The following ENTPD7 variants were observed in gnomAD, a reference collection of about 807,000 sequenced individuals.
ENTPD7 encodes NTPDase 7.
A neutral mutation model predicts 77.9 loss-of-function variants in ENTPD7; 53 were observed. The ratio of observed to expected loss-of-function variants is 0.68; its 90% confidence interval spans 0.55 to 0.85. The LOEUF is 0.85. ENTPD7 is among the 40% of genes least tolerant of loss of function. The probability of loss-of-function intolerance (pLI) is 0.00; values close to 1 mark genes in which losing one functional copy is unlikely to be tolerated. For missense variants in ENTPD7, 636 were observed against 743.7 expected (o/e 0.86, Z 1.68); for synonymous variants, 248 against 274.9 (o/e 0.90, Z 0.97).
Position 99,709,723 on chromosome 10 carries a change from T to C in ENTPD7, c.*5040T>C, listed in dbSNP as rs556138733. The C allele has an allele frequency of 1.3e-5, 13 of 985,446 alleles. No individual in the cohort carries two copies. In the African/African-American group the frequency reaches 1.9e-4, roughly 15 times the overall value. The allele number at this position is 985,446 out of a possible 1,614,324, so 61.0% of individuals were successfully genotyped here. ...GCAGATGGCTTGTTCAAGCTTCATT[T>C]TAAGCCTGCTCTGTCTACTTATCTT... On this transcript the variant is annotated 3_prime_UTR_variant, in exon 13 of 13. Coordinates refer to ENST00000370489, the MANE Select transcript of ENTPD7 (RefSeq NM_020354.5).
intron 11 of ENTPD7, among the ~76,000 whole-genome samples, chr10:99,701,485 C>T (rs866890423): frequency 1.2e-4 from 18 of 151,646 alleles, no homozygotes; most frequent in African/African-American, 3.6e-4. Context: ...GACGGGGTTT[C>T]GCAATGTTGC....
In ENTPD7 at chr10:99,707,556, T is replaced by G. The variant is rs558544630; in HGVS notation, c.*2873T>G. 6.6e-6 allele frequency among the ~76,000 whole-genome samples: 1 copy of G among 152,364 alleles called. No individual in the cohort carries two copies. Among genetic ancestry groups the G allele is most frequent in the East Asian group, 1.9e-4 (1 of 5,194 alleles). ...TTGGTGGTTCTCCCATGAAGATAATTATGGTGTCATAAAATTCACATTCCA... is the reference window on the plus strand; with the variant it reads ...TTGGTGGTTCTCCCATGAAGATAATGATGGTGTCATAAAATTCACATTCCA... On this transcript the variant is annotated 3_prime_UTR_variant, in exon 13 of 13. Coordinates refer to ENST00000370489, the MANE Select transcript of ENTPD7 (RefSeq NM_020354.5).
At chr10:99,674,514 C>T (rs2035656789) in intron 3 of ENTPD7, among the ~76,000 whole-genome samples, 1 of 152,206 alleles carries the variant, frequency 6.6e-6, no homozygotes, top group African/African-American at 2.4e-5. Context: ...TTTTCTGTTT[C>T]TACTTTAGAT....
rs747096335 is a variant in ENTPD7 at position 99,661,527 on chromosome 10, A to G, written c.90A>G (p.Ala30=). Residue 30 remains alanine (A), a synonymous_variant, in exon 3 of 13, where the codon GCA becomes GCG. Transcript: ENST00000370489. ...GTCCATTTCTCCGTCAGCGGGTGGC[A>G]TTCCTGGGACTCTTCTTCATATCCT... ...TVSPFLRQRV[A]FLGLFFISCL... 3.7e-6 allele frequency: 6 copies of G among 1,613,920 alleles called. No homozygotes were observed. Among genetic ancestry groups the G allele is most frequent in the Admixed American group, 1.7e-5 (1 of 59,972 alleles).
chr10:99,696,082 T>C lies in ENTPD7; in HGVS notation c.970T>C (p.Tyr324His). Reference protein sequence around the residue: ...GFGGNFARQRYEDLVLNETLN... With the variant: ...GFGGNFARQRHEDLVLNETLN... ...CGGAGGCAACTTTGCCCGGCAGCGC[T>C]ACGAAGACCTTGTTCTGAATGAAAC... Residue 324 changes from tyrosine to histidine, a missense_variant, in exon 9 of 13, where the codon TAC becomes CAC. Tyr to His is a moderately conservative substitution (Grantham distance 83). This residue lies in a region of ENTPD7 where 486 missense variants were observed against 556.5 expected (regional missense o/e 0.87). Coordinates refer to ENST00000370489, the MANE Select transcript of ENTPD7 (RefSeq NM_020354.5). The C allele has an allele frequency of 6.2e-7, 1 of 1,614,220 alleles. No individual in the cohort carries two copies. The highest frequency in any genetic ancestry group is 1.1e-5 in the South Asian group (1 of 91,086).
At chr10:99,662,075 AT>A (rs2035494128) in intron 3 of ENTPD7, among the ~76,000 whole-genome samples, 1 of 152,186 alleles carries the variant, frequency 6.6e-6, no homozygotes, top group Non-Finnish European at 1.5e-5. Context: ...GTGTCTTTAT[AT>A]AAGTGGGCTT....
intron 3 of ENTPD7, among the ~76,000 whole-genome samples, chr10:99,663,871 G>T (rs1372425437): frequency 2.6e-5 from 4 of 151,994 alleles, no homozygotes; most frequent in African/African-American, 7.2e-5. Flanking sequence ...TGTTGTTGTT[G>T]TTCTCCCCTG....
Position 99,669,085 on chromosome 10 carries a change from C to T in ENTPD7, c.191+7457C>T, listed in dbSNP as rs12240411. On this transcript the variant is annotated intron_variant, in intron 3 of 12. Transcript: ENST00000370489. ...TAGAGACAGTGTCTCCCTATGTTGC[C>T]AAGCGTAGTCATGAACTCCTAGGCT... Among the ~76,000 whole-genome samples, 469 of 149,454 alleles carry T rather than the reference C, an allele frequency of 3.1e-3. 3 individuals are homozygous for T. Among genetic ancestry groups the T allele is most frequent in the African/African-American group, 0.011 (448 of 40,682 alleles).
chr10:99,682,081 A>G (rs1349506796), intron 5 of ENTPD7, among the ~76,000 whole-genome samples: 3 of 152,114 alleles, frequency 2.0e-5, no homozygotes, highest in Admixed American at 6.5e-5. Flanking sequence ...TTTTGGTGTC[A>G]TATCAATGAG....
chr10:99,686,047 G>A (rs1337262666), intron 6 of ENTPD7, 152 bp downstream of exon 6: 3 of 549,132 alleles, frequency 5.5e-6, no homozygotes, highest in Admixed American at 3.5e-5. Context: ...TTGATTATTT[G>A]CATATTTTGC....
At chr10:99,666,354 T>A (rs897183132) in intron 3 of ENTPD7, among the ~76,000 whole-genome samples, 1 of 152,078 alleles carries the variant, frequency 6.6e-6, no homozygotes, top group African/African-American at 2.4e-5. Flanking sequence ...ATTACAGGCA[T>A]GTGGCACCAT....
chr10:99,707,486 C>A lies in ENTPD7; in HGVS notation c.*2803C>A, dbSNP rs893011814. The stretch of plus-strand genomic sequence containing the variant: ...AGGAGCAGAAATCTATCTTGCCATA[C>A]CCTTTGGTTTTTAAAGATTTCTCTT... On this transcript the variant is annotated 3_prime_UTR_variant, in exon 13 of 13. Transcript: ENST00000370489. Among the ~76,000 whole-genome samples the A allele has an allele frequency of 1.2e-4, 19 of 152,176 alleles. No homozygotes were observed. Among genetic ancestry groups the A allele is most frequent in the African/African-American group, 4.6e-4 (19 of 41,436 alleles).
Position 99,709,286 on chromosome 10 carries a change from A to G in ENTPD7, c.*4603A>G. On this transcript the variant is annotated 3_prime_UTR_variant, in exon 13 of 13. Transcript: ENST00000370489. ...TGTTGTCTTTAAACTTTTCAAATTA[A>G]TTCAAAACTAGTATCTAATTGTCCT... The G allele has an allele frequency of 6.1e-6, 6 of 985,394 alleles. No homozygotes were observed. The highest frequency in any genetic ancestry group is 6.0e-6 in the Non-Finnish European group (5 of 829,906). 61.0% of individuals were successfully genotyped at this position (985,394 alleles called of 1,614,324 possible). A position where few individuals can be genotyped will look rare whatever the true frequency, so the allele number is the denominator to read the frequency against.
At position 99,688,765 on chromosome 10, in the gene ENTPD7, CT is replaced by C; in HGVS notation, c.709+20del. On this transcript the variant is annotated intron_variant, in intron 7 of 12. Transcript: ENST00000370489. ...CCACGAGGATGGTGAGTAATATTGT[CT>C]TTTTATGACAGTTTACCTAAGGGCT... 1 of 1,613,104 alleles carries C rather than the reference CT, an allele frequency of 6.2e-7. No individual in the cohort carries two copies. Among genetic ancestry groups the C allele is most frequent in the Non-Finnish European group, 8.5e-7 (1 of 1,179,320 alleles).
chr10:99,675,460 GTTAAACCCATGTT>G (rs1304186836), intron 3 of ENTPD7, among the ~76,000 whole-genome samples: 3 of 137,058 alleles, frequency 2.2e-5, no homozygotes, highest in African/African-American at 8.3e-5. Flanking sequence ...CAAAGTGCAT[GTTAAACCCATGTT>G]TTTTAATGGA....
chr10:99,684,497 G>A (rs1231950845), intron 5 of ENTPD7, among the ~76,000 whole-genome samples: 1 of 152,154 alleles, frequency 6.6e-6, no homozygotes, highest in Admixed American at 6.5e-5. Context: ...GTCCCCATTT[G>A]AAATTCTTAT....
intron 2 of ENTPD7, 137 bp from the exon 3 acceptor site, chr10:99,661,309 G>C: frequency 1.5e-6 from 1 of 674,390 alleles, no homozygotes; most frequent in South Asian, 2.4e-5. Flanking sequence ...TCTAAAATTA[G>C]AGATGACAAG....
In ENTPD7 at chr10:99,709,392, T is replaced by A; in HGVS notation, c.*4709T>A. 6 of 985,444 alleles carry A rather than the reference T, an allele frequency of 6.1e-6. No individual in the cohort carries two copies. Among genetic ancestry groups the A allele is most frequent in the Non-Finnish European group, 7.2e-6 (6 of 829,908 alleles). 61.0% of individuals were successfully genotyped at this position (985,444 alleles called of 1,614,324 possible). A position where few individuals can be genotyped will look rare whatever the true frequency, so the allele number is the denominator to read the frequency against. ...AGCAGATGTTTCAAATTCTCCCATA[T>A]TAGTCTCTTAGGGACGCTAGCTCCA... On this transcript the variant is annotated 3_prime_UTR_variant, in exon 13 of 13. Transcript: ENST00000370489.
chr10:99,700,995 C>T lies in ENTPD7; in HGVS notation c.1358C>T (p.Ser453Leu), dbSNP rs182321152. The change falls in exon 11 of 13, where the codon TCG becomes TTG. Residue 453 changes from serine (S) to leucine (L), a missense_variant. Physicochemically the swap from Ser to Leu is moderately radical, Grantham distance 145. Coordinates refer to ENST00000370489, the MANE Select transcript of ENTPD7 (RefSeq NM_020354.5). ...AAQDYCGMAW[S>L]VLTQRFKNGL... The stretch of plus-strand genomic sequence containing the variant: ...CAGGATTACTGTGGCATGGCTTGGT[C>T]GGTACTAACTCAGAGATTCAAGAAT... 17 of 1,613,774 alleles carry T rather than the reference C, an allele frequency of 1.1e-5. No homozygotes were observed. The highest frequency in any genetic ancestry group is 1.4e-5 in the Non-Finnish European group (16 of 1,179,922).
Sources: gnomAD v4.1 joint callset for allele counts (sites outside exome capture counted in the v4.1 genomes callset) on GRCh38, gnomAD v4.1.1 for gene constraint, gnomAD v4.1.1 regional missense constraint, MANE v1.5 for transcripts, NCBI Gene and HGNC (gene_info 2026-07-23, HGNC 2026-07-21) for gene names.